Variants in TXNRD2 observed in about 807,000 individuals in gnomAD.
TXNRD2 encodes the protein thioredoxin reductase 2.
A neutral mutation model predicts 70.8 loss-of-function variants in TXNRD2; 67 were observed. The observed-to-expected ratio is 0.95, with a 90% confidence interval of 0.78 to 1.16. The LOEUF (loss-of-function observed/expected upper bound fraction) is 1.16. TXNRD2 is among the 50% of genes most tolerant of loss of function. TXNRD2 has a pLI of 0.00. For missense variants in TXNRD2, 644 were observed against 719.9 expected (o/e 0.89, Z 1.21); for synonymous variants, 301 against 295.8 (o/e 1.02, Z -0.18).
chr22:19,900,818 T>C (rs1227661230), intron 8 of TXNRD2, among the ~76,000 whole-genome samples: 3 of 152,162 alleles, frequency 2.0e-5, no homozygotes, highest in African/African-American at 7.2e-5. Context: ...GCTTTGCATA[T>C]CCTGCCCTAA....
intron 7 of TXNRD2, among the ~76,000 whole-genome samples, chr22:19,912,523 C>T (rs1170917418): frequency 6.6e-6 from 1 of 152,238 alleles, no homozygotes; most frequent in Non-Finnish European, 1.5e-5. Flanking sequence ...TGCGGATGCA[C>T]GTGCAGCTCT....
intron 11 of TXNRD2, chr22:19,887,717 G>A (rs1193084387): frequency 1.3e-5 from 2 of 152,440 alleles, no homozygotes; most frequent in East Asian, 3.9e-4. Context: ...TGCCCTCCAA[G>A]AGGATCATCT....
intron 1 of TXNRD2, among the ~76,000 whole-genome samples, chr22:19,931,740 C>A (rs1941367947): frequency 6.6e-6 from 1 of 152,106 alleles, no homozygotes. Flanking sequence ...TGGCCTCAAG[C>A]AATCCTTCCA....
chr22:19,920,185 C>T (rs763622741), intron 2 of TXNRD2, among the ~76,000 whole-genome samples: 25 of 152,222 alleles, frequency 1.6e-4, no homozygotes, highest in Non-Finnish European at 3.4e-4. Context: ...GAGCCGAGAC[C>T]TGACTCCAAA....
At position 19,895,364 on chromosome 22, in the gene TXNRD2, C is replaced by T. The variant is rs555136915; in HGVS notation, c.949+43G>A. 28 of 1,612,914 alleles carry T rather than the reference C, an allele frequency of 1.7e-5. No individual in the cohort carries two copies. In the African/African-American group the frequency reaches 2.7e-4, roughly 15 times the overall value. On this transcript the variant is annotated intron_variant, in intron 11 of 17. Transcript: ENST00000400521. ...TGGGGCAAAGATTCTCCATGCACCT[C>T]GGGGAGACCAGAGACAGAGCGTGTG...
At chr22:19,907,789 C>T (rs1184913147) in intron 8 of TXNRD2, among the ~76,000 whole-genome samples, 5 of 40,304 alleles carry the variant, frequency 1.2e-4, no homozygotes, top group Non-Finnish European at 2.5e-4. Context: ...GCAGTGACCG[C>T]TCTCAGGAGA....
At chr22:19,905,791 G>A (rs1939982791) in intron 8 of TXNRD2, among the ~76,000 whole-genome samples, 1 of 151,934 alleles carries the variant, frequency 6.6e-6, no homozygotes, top group Non-Finnish European at 1.5e-5. Flanking sequence ...TGAGAACAGT[G>A]CCTCGAGATG....
chr22:19,882,697 C>T (rs966369053), intron 12 of TXNRD2, among the ~76,000 whole-genome samples: 8 of 152,204 alleles, frequency 5.3e-5, no homozygotes, highest in Admixed American at 3.9e-4. Flanking sequence ...CAGGACAGGC[C>T]GAGCACTCCT....
At chr22:19,890,158 G>C (rs1041945610) in intron 11 of TXNRD2, among the ~76,000 whole-genome samples, 3 of 152,190 alleles carry the variant, frequency 2.0e-5, no homozygotes, top group Non-Finnish European at 2.9e-5. Flanking sequence ...CCATGAGCTA[G>C]GGCTGAGCCA....
chr22:19,921,165 A>G (rs1046827438), intron 2 of TXNRD2, among the ~76,000 whole-genome samples: 1 of 150,436 alleles, frequency 6.6e-6, no homozygotes, highest in Non-Finnish European at 1.5e-5. Context: ...CTATAATCTC[A>G]ACACTTTGGG....
chr22:19,926,685 G>A (rs1412069813), intron 2 of TXNRD2, among the ~76,000 whole-genome samples: 1 of 152,118 alleles, frequency 6.6e-6, no homozygotes, highest in African/African-American at 2.4e-5. Flanking sequence ...GGAGGCTGAG[G>A]TGGGAGAATT....
Position 19,918,843 on chromosome 22 carries a change from C to A in TXNRD2, c.374+17G>T, listed in dbSNP as rs200108545. ...GTAGAAGAAAAGCACTGGAATGCCA[C>A]GGCGCCAGATCCTTACCAGTCATGC... On this transcript the variant is annotated intron_variant, in intron 4 of 17. Transcript: ENST00000400521. 2 of 1,604,394 alleles carry A rather than the reference C, an allele frequency of 1.2e-6. No homozygotes were observed.
At chr22:19,937,128 T>A (rs1941562748) in intron 1 of TXNRD2, among the ~76,000 whole-genome samples, 2 of 152,172 alleles carry the variant, frequency 1.3e-5, no homozygotes, top group Non-Finnish European at 2.9e-5. Context: ...ATCTCAGCAT[T>A]TACAATTCCA....
rs186490459 is a variant in TXNRD2 at position 19,925,251 on chromosome 22, T to C, written c.173-5652A>G. On this transcript the variant is annotated intron_variant, in intron 2 of 17. Coordinates refer to ENST00000400521, the MANE Select transcript of TXNRD2 (RefSeq NM_006440.5). Reference sequence around the variant, plus strand: ...GTGAGCTGAGATCGCACCACTGCACTCCAGCCTGGGCGACAGAGCAAGACT... The same window carrying C: ...GTGAGCTGAGATCGCACCACTGCACCCCAGCCTGGGCGACAGAGCAAGACT... Among the ~76,000 whole-genome samples the C allele has an allele frequency of 5.6e-3, 844 of 151,888 alleles. 25 individuals carry two copies. The highest frequency in any genetic ancestry group is 0.02 in the African/African-American group (808 of 41,308).
intron 6 of TXNRD2, 59 bp downstream of exon 6, chr22:19,915,706 G>T: frequency 2.0e-6 from 3 of 1,483,794 alleles, no homozygotes; most frequent in Non-Finnish European, 2.8e-6. Flanking sequence ...AGCTGCAGTT[G>T]GTGCCCAAGG....
chr22:19,941,516 G>T, intron 1 of TXNRD2, 185 bp downstream of exon 1: 4 of 1,056,354 alleles, frequency 3.8e-6, no homozygotes, highest in Non-Finnish European at 5.0e-6. Context: ...CACCTGGGAA[G>T]GGGGCTACTT....
intron 7 of TXNRD2, among the ~76,000 whole-genome samples, chr22:19,913,374 C>G (rs1456430422): frequency 6.6e-6 from 1 of 152,202 alleles, no homozygotes; most frequent in Non-Finnish European, 1.5e-5. Flanking sequence ...TCAGCGGCAG[C>G]CCTGAACAGT....
chr22:19,922,015 A>G (rs965983836), intron 2 of TXNRD2, among the ~76,000 whole-genome samples: 1 of 152,210 alleles, frequency 6.6e-6, no homozygotes, highest in African/African-American at 2.4e-5. Flanking sequence ...GACTCTTAAT[A>G]ACTGCATCCC....
In TXNRD2 at chr22:19,890,146, C is replaced by T. The variant is rs149247114; in HGVS notation, c.949+5261G>A. On this transcript the variant is annotated intron_variant, in intron 11 of 17. Transcript: ENST00000400521. ...CCTGGCCTCTGTGAGGTGTTAGCAC[C>T]ACCATGAGCTAGGGCTGAGCCAACA... 1.8e-4 allele frequency among the ~76,000 whole-genome samples: 27 copies of T among 152,282 alleles called. No homozygotes were observed. In the East Asian group the frequency reaches 4.8e-3, roughly 27 times the overall value.
Sources: allele counts gnomAD v4.1 joint callset (sites outside exome capture counted in the v4.1 genomes callset), GRCh38; gene constraint gnomAD v4.1.1; transcripts MANE v1.5; gene names NCBI Gene and HGNC (gene_info 2026-07-23, HGNC 2026-07-21).